Variants in WDR72 observed in about 807,000 individuals in gnomAD.
WDR72 encodes the protein WD repeat domain 72, also known as WD repeat-containing protein 72.
A neutral mutation model predicts 124.2 loss-of-function variants in WDR72; 120 were observed. That is an observed-to-expected ratio of 0.97 (90% CI 0.83 to 1.12). The LOEUF is 1.12. WDR72 is among the 50% of genes most tolerant of loss of function. WDR72 has a pLI of 0.00. For missense variants in WDR72, 1,387 were observed against 1,278.8 expected (o/e 1.08, Z -1.29); for synonymous variants, 452 against 441.7 (o/e 1.02, Z -0.29).
chr15:53,711,021 C>T, intron 8 of WDR72, 68 bp from the exon 9 acceptor site: 1 of 1,360,160 alleles, frequency 7.4e-7, no homozygotes. Flanking sequence ...TTTCCCCCTC[C>T]CACTTTCAAA....
intron 14 of WDR72, among the ~76,000 whole-genome samples, chr15:53,619,867 G>C (rs1247471148): frequency 6.6e-6 from 1 of 151,964 alleles, no homozygotes; most frequent in Non-Finnish European, 1.5e-5. Flanking sequence ...TTTTAAAATA[G>C]CTTACTCTTT....
At chr15:53,620,906 A>G (rs1303667641) in intron 14 of WDR72, among the ~76,000 whole-genome samples, 4 of 152,130 alleles carry the variant, frequency 2.6e-5, no homozygotes, top group Non-Finnish European at 5.9e-5. Context: ...TATGTCTAAC[A>G]AAGGACTGAT....
intron 14 of WDR72, among the ~76,000 whole-genome samples, chr15:53,641,933 CT>C (rs1281442094): frequency 1.3e-5 from 2 of 151,584 alleles, no homozygotes; most frequent in South Asian, 2.1e-4. Flanking sequence ...TTCCTTCCAT[CT>C]TTTTTTTCTG....
At chr15:53,538,168 T>C (rs1287118329) in intron 18 of WDR72, among the ~76,000 whole-genome samples, 1 of 152,208 alleles carries the variant, frequency 6.6e-6, no homozygotes, top group African/African-American at 2.4e-5. Flanking sequence ...ACTTTACATA[T>C]ATATTAGCCT....
intron 13 of WDR72, among the ~76,000 whole-genome samples, chr15:53,677,509 G>A (rs146917453): frequency 2.6e-5 from 4 of 152,230 alleles, no homozygotes; most frequent in East Asian, 3.9e-4. Flanking sequence ...CATGTGTCTT[G>A]GGAGGGACCC....
At position 53,648,080 on chromosome 15, in the gene WDR72, C is replaced by T. The variant is rs143622406; in HGVS notation, c.1962+17492G>A. Among the ~76,000 whole-genome samples the T allele has an allele frequency of 2.5e-3, 379 of 152,208 alleles. 2 individuals are homozygous for T. Among genetic ancestry groups the T allele is most frequent in the Middle Eastern group, 0.01 (3 of 294 alleles). On this transcript the variant is annotated intron_variant, in intron 14 of 19. Coordinates refer to ENST00000360509, the MANE Select transcript of WDR72 (RefSeq NM_182758.4). ...ACTTCCCCACCTCTGACAGATGGCA[C>T]GTCTGTTTGAATAGACACGTCATGA...
chr15:53,591,685 A>AAC (rs67873847), intron 18 of WDR72, among the ~76,000 whole-genome samples: 5,518 of 148,778 alleles, frequency 0.037, 133 homozygotes, highest in East Asian at 0.084. Flanking sequence ...CAACACACAC[A>AAC]ACACACACAC....
At chr15:53,740,334 GTCTC>G (rs902255858) in intron 1 of WDR72, among the ~76,000 whole-genome samples, 1 of 144,428 alleles carries the variant, frequency 6.9e-6, no homozygotes, top group Non-Finnish European at 1.5e-5. Context: ...TTGAGACGGA[GTCTC>G]TCTCTGTCGC....
At chr15:53,540,571 GAA>G (rs5812690) in intron 18 of WDR72, among the ~76,000 whole-genome samples, 2 of 135,126 alleles carry the variant, frequency 1.5e-5, no homozygotes, top group Admixed American at 7.2e-5. Flanking sequence ...AAGGAAGAAA[GAA>G]AAAAAAAAAA....
intron 1 of WDR72, among the ~76,000 whole-genome samples, chr15:53,748,894 T>C (rs891749639): frequency 6.6e-6 from 1 of 152,220 alleles, no homozygotes; most frequent in Admixed American, 6.5e-5. Context: ...ATATTTAGTT[T>C]AAAAATATTT....
At chr15:53,626,292 C>T (rs1696866972) in intron 14 of WDR72, among the ~76,000 whole-genome samples, 1 of 152,212 alleles carries the variant, frequency 6.6e-6, no homozygotes, top group South Asian at 2.1e-4. Flanking sequence ...AACCGTGGGA[C>T]CCAGTGACTA....
At chr15:53,640,312 G>A (rs1231626871) in intron 14 of WDR72, among the ~76,000 whole-genome samples, 1 of 152,108 alleles carries the variant, frequency 6.6e-6, no homozygotes, top group East Asian at 1.9e-4. Flanking sequence ...TTTCATCAGT[G>A]GCTTCTTGTC....
chr15:53,572,375 C>G (rs193254251), intron 18 of WDR72, among the ~76,000 whole-genome samples: 10 of 151,828 alleles, frequency 6.6e-5, no homozygotes, highest in African/African-American at 2.4e-4. Context: ...AGTCTTTAAT[C>G]CAATTTGAGT....
At chr15:53,569,794 A>G (rs1894442856) in intron 18 of WDR72, among the ~76,000 whole-genome samples, 1 of 152,110 alleles carries the variant, frequency 6.6e-6, no homozygotes, top group African/African-American at 2.4e-5. Context: ...GGGAGAAAGT[A>G]TAATTTGCAT....
At chr15:53,574,079 T>C (rs1009150507) in intron 18 of WDR72, among the ~76,000 whole-genome samples, 3 of 152,216 alleles carry the variant, frequency 2.0e-5, no homozygotes. Flanking sequence ...TTTAACTGTA[T>C]CTCTTGATGT....
intron 10 of WDR72, 121 bp downstream of exon 10, chr15:53,705,806 G>A (rs1427771213): frequency 3.5e-5 from 39 of 1,128,706 alleles, no homozygotes; most frequent in Non-Finnish European, 4.5e-5. Context: ...CATTTAATAC[G>A]TAGTAGTACA....
At chr15:53,736,977 G>C (rs1212629505) in intron 1 of WDR72, among the ~76,000 whole-genome samples, 1 of 148,140 alleles carries the variant, frequency 6.8e-6, no homozygotes, top group African/African-American at 2.5e-5. Context: ...AGGAACTGGT[G>C]TAAAACAAAG....
chr15:53,617,466 A>C (rs2013814234), intron 14 of WDR72, among the ~76,000 whole-genome samples: 1 of 151,618 alleles, frequency 6.6e-6, no homozygotes. Context: ...TTTAATTTTC[A>C]ATAATAAAAA....
intron 13 of WDR72, among the ~76,000 whole-genome samples, chr15:53,676,003 G>A (rs2016159681): frequency 6.6e-6 from 1 of 152,176 alleles, no homozygotes; most frequent in South Asian, 2.1e-4. Flanking sequence ...CAGCAGGCAT[G>A]TCAGGATTTG....
Sources: gnomAD v4.1 joint callset for allele counts (sites outside exome capture counted in the v4.1 genomes callset) on GRCh38, gnomAD v4.1.1 for gene constraint, MANE v1.5 for transcripts, NCBI Gene and HGNC (gene_info 2026-07-23, HGNC 2026-07-21) for gene names.